C4orf50: variants seen among roughly 807,000 people sequenced by gnomAD.
C4orf50 encodes chromosome 4 open reading frame 50, also known as uncharacterized protein C4orf50.
In C4orf50, 80 loss-of-function variants were observed where a neutral mutation model predicts 77.2. That is an observed-to-expected ratio of 1.04 (90% CI 0.87 to 1.25). The LOEUF is 1.25. C4orf50 is among the 50% of genes most tolerant of loss of function. The pLI is 0.00. For synonymous variants in C4orf50, 532 were observed against 465.3 expected, an observed-to-expected ratio of 1.14 and a Z score of -1.84; for missense variants, 1,257 against 1,152.9, an observed-to-expected ratio of 1.09 and a Z score of -1.31.
chr4:5,996,206 C>T (rs1480662984), intron 25 of C4orf50, among the ~76,000 whole-genome samples: 1 of 152,230 alleles, frequency 6.6e-6, no homozygotes, highest in Non-Finnish European at 1.5e-5. Flanking sequence ...TGCACCTTCC[C>T]ATATGCTGTT....
At chr4:5,955,958 C>A (rs996397734), downstream of C4orf50, among the ~76,000 whole-genome samples, 1 of 152,176 alleles carries the variant, frequency 6.6e-6, no homozygotes, top group African/African-American at 2.4e-5. This position sits in a 1 kb window ranked among gnomAD's most constrained non-coding sequence, Gnocchi z 5.1. Flanking sequence ...TCAAAGAGGG[C>A]GAGGAGTGGA....
intron 31 of C4orf50, among the ~76,000 whole-genome samples, chr4:5,972,720 C>A (rs940371262): frequency 1.3e-5 from 2 of 152,340 alleles, no homozygotes; most frequent in South Asian, 2.1e-4. Flanking sequence ...CCTGGAGGGA[C>A]CATGGAAAAC....
At chr4:5,988,897 G>C in exon 28 of C4orf50, 1 of 1,535,952 alleles carries the variant, frequency 6.5e-7, no homozygotes, top group Middle Eastern at 1.7e-4. Flanking sequence ...GTTTTCCAGG[G>C]TGACTTGCTC....
chr4:5,925,086 G>T (rs934940998), intron 7 of C4orf50, among the ~76,000 whole-genome samples: 2 of 152,134 alleles, frequency 1.3e-5, no homozygotes, highest in Non-Finnish European at 2.9e-5. Context: ...CTGCTTTTGG[G>T]TTTGCCAAGA....
chr4:5,924,603 G>C (rs889287254), intron 7 of C4orf50, among the ~76,000 whole-genome samples: 1 of 152,160 alleles, frequency 6.6e-6, no homozygotes, highest in African/African-American at 2.4e-5. Flanking sequence ...TCAGTGCTGA[G>C]AACCCAGGGC....
chr4:5,925,496 G>A lies in C4orf50; in HGVS notation c.*2475-27308C>T, dbSNP rs116059857. Reference sequence around the variant, plus strand: ...CCGATGGTCACCCTGTTGGGAGGACGGTACCAGTGGACAAGGACTGGCAGA... The same window carrying A: ...CCGATGGTCACCCTGTTGGGAGGACAGTACCAGTGGACAAGGACTGGCAGA... On this transcript the variant is annotated intron_variant, in intron 7 of 7. Transcript: ENST00000324058. Among the ~76,000 whole-genome samples, 832 of 152,336 alleles carry A rather than the reference G, an allele frequency of 5.5e-3. 8 individuals carry two copies. The highest frequency in any genetic ancestry group is 0.019 in the African/African-American group (776 of 41,580).
chr4:5,900,881 G>A lies in C4orf50; in HGVS notation c.*2475-2693C>T, dbSNP rs1716314277. ...ACTGACCTGCTGGCTTGCCTGGGAA[G>A]GGCAATGGCAGGGCCACTCTGAGCA... On this transcript the variant is annotated intron_variant, in intron 7 of 7. Transcript: ENST00000324058. The surrounding 1 kb of genome is among the most constrained non-coding windows in gnomAD (Gnocchi z 4.3). 1 of 152,242 alleles carries A rather than the reference G, an allele frequency of 6.6e-6. No homozygotes were observed. The allele number at this position is 152,242 out of a possible 1,614,324, so 9.4% of individuals were successfully genotyped here. A position where few individuals can be genotyped will look rare whatever the true frequency, so the allele number is the denominator to read the frequency against.
At chr4:5,985,609 A>G (rs929995665) in intron 28 of C4orf50, among the ~76,000 whole-genome samples, 1 of 152,076 alleles carries the variant, frequency 6.6e-6, no homozygotes, top group African/African-American at 2.4e-5. Flanking sequence ...ACCAAAAACA[A>G]AGGGAGGAAA....
At chr4:5,964,404 T>C (rs1453028204) in intron 33 of C4orf50, among the ~76,000 whole-genome samples, 1 of 151,414 alleles carries the variant, frequency 6.6e-6, no homozygotes, top group African/African-American at 2.4e-5. Flanking sequence ...AAGTCCTCTG[T>C]GGATGGAGAT....
intron 7 of C4orf50, among the ~76,000 whole-genome samples, chr4:5,907,708 CT>C (rs778183998): frequency 7.2e-5 from 11 of 152,104 alleles, no homozygotes; most frequent in Non-Finnish European, 1.6e-4. Context: ...TAGTAAAGGT[CT>C]TTCTGAGAAG....
intron 30 of C4orf50, among the ~76,000 whole-genome samples, 158 bp from the exon 9 acceptor site, chr4:5,973,999 C>T (rs1167103520): frequency 6.6e-6 from 1 of 152,208 alleles, no homozygotes; most frequent in Non-Finnish European, 1.5e-5. Context: ...GCCTCCCTGC[C>T]CCCAGAAGCC....
chr4:5,992,812 G>A lies in C4orf50; in HGVS notation c.1212C>T (p.Asn404=), dbSNP rs1188484029. The A allele has an allele frequency of 1.3e-5, 5 of 399,026 alleles. No homozygotes were observed. Among genetic ancestry groups the A allele is most frequent in the Non-Finnish European group, 2.2e-5 (5 of 226,146 alleles). The allele number at this position is 399,026 out of a possible 1,614,324, so 24.7% of individuals were successfully genotyped here. The change falls in exon 27 of 34, where the codon AAC becomes AAT. Residue 404 remains asparagine (N), a synonymous_variant. Transcript: ENST00000531445. The surrounding 1 kb of genome is among the most constrained non-coding windows in gnomAD (Gnocchi z 5.0). ...AAGCCTCTGGCCTCACCTGTTCACG[G>A]TTGGATCCGGCCAGGTCTCTGGGGA...
At chr4:5,915,570 C>T (rs1716996414) in intron 7 of C4orf50, among the ~76,000 whole-genome samples, 1 of 152,194 alleles carries the variant, frequency 6.6e-6, no homozygotes, top group East Asian at 1.9e-4. Flanking sequence ...AAAGCCACAG[C>T]AGCCACCTTG....
intron 7 of C4orf50, among the ~76,000 whole-genome samples, chr4:5,929,780 TC>T (rs1309634269): frequency 1.3e-5 from 2 of 151,764 alleles, no homozygotes; most frequent in Non-Finnish European, 2.9e-5. Context: ...TAGGAGAGAG[TC>T]AGAAGTTCAA....
At chr4:5,928,374 A>ACC (rs1470398726) in intron 7 of C4orf50, among the ~76,000 whole-genome samples, 1 of 148,944 alleles carries the variant, frequency 6.7e-6, no homozygotes, top group East Asian at 1.9e-4. Context: ...ACACACACAC[A>ACC]CACATACACA....
In C4orf50 at chr4:5,932,983, C is replaced by G. The variant is rs1717833495; in HGVS notation, c.*2474+23918G>C. On this transcript the variant is annotated intron_variant, in intron 7 of 7. Coordinates refer to the C4orf50 transcript ENST00000324058. This position sits in a 1 kb window ranked among gnomAD's most constrained non-coding sequence, Gnocchi z 4.2. ...CATTAATATTAAAGACCGTCATTTT[C>G]TCTCTGCCTTATAATTTTTGTAAAC... Among the ~76,000 whole-genome samples, 1 of 152,162 alleles carries G rather than the reference C, an allele frequency of 6.6e-6. No individual in the cohort carries two copies. Among genetic ancestry groups the G allele is most frequent in the South Asian group, 2.1e-4 (1 of 4,828 alleles).
At chr4:5,966,808 C>A (rs1348531404) in intron 32 of C4orf50, among the ~76,000 whole-genome samples, 1 of 151,978 alleles carries the variant, frequency 6.6e-6, no homozygotes, top group African/African-American at 2.4e-5. Context: ...CGCCACCATA[C>A]CCAGCTAATT....
intron 29 of C4orf50, among the ~76,000 whole-genome samples, chr4:5,978,118 G>A (rs1720387030): frequency 6.6e-6 from 1 of 152,210 alleles, no homozygotes; most frequent in Non-Finnish European, 1.5e-5. Flanking sequence ...ACCAATGAGA[G>A]ACAATCTCCC....
At position 6,011,644 on chromosome 4, in the gene C4orf50, C is replaced by G. The variant is rs908446290; in HGVS notation, c.426+186G>C. 1.3e-5 allele frequency among the ~76,000 whole-genome samples: 2 copies of G among 152,194 alleles called. No individual in the cohort carries two copies. The highest frequency in any genetic ancestry group is 4.8e-5 in the African/African-American group (2 of 41,450). On this transcript the variant is annotated intron_variant, in intron 24 of 33. Transcript: ENST00000531445. This position sits in a 1 kb window ranked among gnomAD's most constrained non-coding sequence, Gnocchi z 4.2. ...CCAGCAAGTGTACAGCCCCCACCCC[C>G]ACATCCCTGCATGCCCCAGGCCCCG... is the stretch of plus-strand genomic sequence containing the variant.
Sources: allele counts gnomAD v4.1 joint callset (sites outside exome capture counted in the v4.1 genomes callset), GRCh38; gene constraint gnomAD v4.1.1; non-coding constraint Gnocchi (gnomAD v3.1); transcripts MANE v1.5; gene names NCBI Gene and HGNC (gene_info 2026-07-23, HGNC 2026-07-21).